Variants in MED27 observed in about 807,000 individuals in gnomAD.
The protein encoded by MED27 is mediator complex subunit 27.
A neutral mutation model predicts 38.2 loss-of-function variants in MED27; 30 were observed. The observed-to-expected ratio is 0.79, with a 90% CI of 0.59 to 1.07. MED27 has a LOEUF of 1.07. Ranked by LOEUF, MED27 falls within the 50% of genes least tolerant of loss-of-function variation. The probability of loss-of-function intolerance (pLI) is 0.00; values close to 1 mark genes in which losing one functional copy is unlikely to be tolerated. For missense variants in MED27, 289 were observed against 397.5 expected, an observed-to-expected ratio of 0.73 and a Z score of 2.32; for synonymous variants, 122 against 153.5, an observed-to-expected ratio of 0.79 and a Z score of 1.52.
At chr9:131,924,198 G>C (rs1052233938) in intron 4 of MED27, among the ~76,000 whole-genome samples, 1 of 152,168 alleles carries the variant, frequency 6.6e-6, no homozygotes, top group Non-Finnish European at 1.5e-5. Context: ...TCATTAGCAA[G>C]GTATGAGAGG....
chr9:131,907,420 G>A (rs954953565), intron 4 of MED27, among the ~76,000 whole-genome samples: 14 of 152,188 alleles, frequency 9.2e-5, no homozygotes, highest in South Asian at 2.1e-4. Context: ...GGGTTTCGCC[G>A]TGTTGGCCGG....
At chr9:131,878,311 A>AAAT (rs777310697) in intron 6 of MED27, among the ~76,000 whole-genome samples, 8 of 148,618 alleles carry the variant, frequency 5.4e-5, no homozygotes, top group Non-Finnish European at 1.0e-4. Context: ...ATAAATAAAT[A>AAAT]AAATAAAAAT....
chr9:131,969,974 G>GC (rs1324882036), intron 3 of MED27, among the ~76,000 whole-genome samples: 1 of 152,170 alleles, frequency 6.6e-6, no homozygotes, highest in Non-Finnish European at 1.5e-5. Flanking sequence ...GCTGGGGGGG[G>GC]GTGGGGGCAT....
chr9:131,876,352 G>C lies in MED27; in HGVS notation c.723+7706C>G, dbSNP rs1037562079. ...GCAGCGTGCCCTCAGAAAGTCAACAGGATGGCCCAGGCTTTCCTGGTTCAA... is the reference window on the plus strand; with the variant it reads ...GCAGCGTGCCCTCAGAAAGTCAACACGATGGCCCAGGCTTTCCTGGTTCAA... On this transcript the variant is annotated intron_variant, in intron 6 of 7. Coordinates refer to ENST00000292035, the MANE Select transcript of MED27 (RefSeq NM_004269.4). Among the ~76,000 whole-genome samples, 7 of 152,258 alleles carry C rather than the reference G, an allele frequency of 4.6e-5. No individual in the cohort carries two copies. In the East Asian group the frequency reaches 1.4e-3, roughly 29 times the overall value.
At chr9:132,073,861 T>C (rs1589305648) in intron 2 of MED27, 2 of 1,303,096 alleles carry the variant, frequency 1.5e-6, no homozygotes, top group Non-Finnish European at 2.0e-6. Context: ...CAGCTTCAGA[T>C]GTTGCCAGGG....
intron 2 of MED27, among the ~76,000 whole-genome samples, chr9:132,025,297 C>T (rs1451833621): frequency 1.3e-5 from 2 of 151,902 alleles, no homozygotes; most frequent in Admixed American, 1.3e-4. Context: ...ATTCTCCTGG[C>T]TCAGCCTCGC....
intron 3 of MED27, among the ~76,000 whole-genome samples, chr9:131,952,024 T>C (rs949933335): frequency 7.9e-5 from 12 of 152,194 alleles, no homozygotes; most frequent in African/African-American, 2.9e-4. Flanking sequence ...CTGGAGTAAA[T>C]GGATCTGGCT....
At chr9:132,001,082 A>C (rs1359024413) in intron 3 of MED27, among the ~76,000 whole-genome samples, 1 of 152,090 alleles carries the variant, frequency 6.6e-6, no homozygotes, top group Non-Finnish European at 1.5e-5. Context: ...CCTGGGCGAC[A>C]AAGCAACATC....
intron 2 of MED27, among the ~76,000 whole-genome samples, chr9:132,058,570 C>T (rs572492501): frequency 5.9e-5 from 9 of 152,324 alleles, no homozygotes; most frequent in African/African-American, 1.9e-4. Context: ...CCTTCCAGTG[C>T]AATTGTAAGT....
At position 131,917,471 on chromosome 9, in the gene MED27, G is replaced by C. The variant is rs11243566; in HGVS notation, c.573+21910C>G. ...CCAGTGTGGAAGATGAGGGGAGGCA[G>C]AGTGTTTCAAAGCAGGTAGACCAGG... On this transcript the variant is annotated intron_variant, in intron 4 of 7. Coordinates refer to ENST00000292035, the MANE Select transcript of MED27 (RefSeq NM_004269.4). The surrounding 1 kb of genome is among the most constrained non-coding windows in gnomAD (Gnocchi z 4.6). Among the ~76,000 whole-genome samples, 41,930 of 151,944 alleles carry C rather than the reference G, an allele frequency of 0.28. 5,993 individuals are homozygous for C. Among genetic ancestry groups the C allele is most frequent in the East Asian group, 0.39 (1,999 of 5,136 alleles).
intron 3 of MED27, among the ~76,000 whole-genome samples, chr9:131,986,869 G>A (rs1018586419): frequency 2.6e-5 from 4 of 152,250 alleles, no homozygotes; most frequent in African/African-American, 9.6e-5. Context: ...ACAGGGTTTG[G>A]CACGTAACAG....
rs576672434 is a variant in MED27, at chr9:132,031,467, A to T, written c.349-17000T>A. 3.9e-5 allele frequency among the ~76,000 whole-genome samples: 6 copies of T among 152,358 alleles called. No homozygotes were observed. In the East Asian group the frequency reaches 1.2e-3, roughly 29 times the overall value. On this transcript the variant is annotated intron_variant, in intron 2 of 7. Coordinates refer to ENST00000292035, the MANE Select transcript of MED27 (RefSeq NM_004269.4). ...TAACTTCTAAAACAGCAGTCTAAGC[A>T]GGTTATTTAGGAAAATGTGGGCAAG... is the stretch of plus-strand genomic sequence containing the variant.
Position 132,022,086 on chromosome 9 carries a change from C to T in MED27, c.349-7619G>A, listed in dbSNP as rs79558786. 1.6e-4 allele frequency among the ~76,000 whole-genome samples: 25 copies of T among 152,312 alleles called. No homozygotes were observed. The East Asian group carries it at 4.0e-3, about 25-fold the overall frequency. On this transcript the variant is annotated intron_variant, in intron 2 of 7. Transcript: ENST00000292035. ...ATAGGATCAATGCAAAATTTGACAA[C>T]ACAGTAATGAGAGCATCATGACAGA...
At chr9:132,025,880 A>T (rs1404791659) in intron 2 of MED27, among the ~76,000 whole-genome samples, 2 of 152,214 alleles carry the variant, frequency 1.3e-5, no homozygotes. Context: ...ACTTAAGCTA[A>T]GTCTTAGGAG....
chr9:132,062,618 T>A (rs1225834274), intron 2 of MED27, among the ~76,000 whole-genome samples: 1 of 19,124 alleles, frequency 5.2e-5, no homozygotes, highest in African/African-American at 1.3e-4. Flanking sequence ...ATCAATACAT[T>A]TTTTTTTTTT....
intron 4 of MED27, among the ~76,000 whole-genome samples, chr9:131,905,701 C>CAAA (rs58848280): frequency 3.0e-4 from 18 of 60,900 alleles, no homozygotes; most frequent in African/African-American, 8.9e-4. Flanking sequence ...AAGACCTTGT[C>CAAA]AAAAAAAAAA....
At chr9:131,974,443 G>A (rs1831559640) in intron 3 of MED27, among the ~76,000 whole-genome samples, 1 of 152,186 alleles carries the variant, frequency 6.6e-6, no homozygotes, top group African/African-American at 2.4e-5. Context: ...TTAGTAGACT[G>A]AACTTTTAAT....
At chr9:132,001,307 A>G (rs1832228552) in intron 3 of MED27, among the ~76,000 whole-genome samples, 2 of 152,158 alleles carry the variant, frequency 1.3e-5, no homozygotes, top group Admixed American at 1.3e-4. Flanking sequence ...TTTCAGAGGT[A>G]TATACATGTG....
intron 3 of MED27, among the ~76,000 whole-genome samples, chr9:132,007,145 T>C (rs1241405933): frequency 2.0e-5 from 3 of 152,228 alleles, no homozygotes; most frequent in Non-Finnish European, 4.4e-5. Context: ...TTATCCCTGT[T>C]ACCTCCTGAA....
Sources: gnomAD v4.1 joint callset for allele counts (sites outside exome capture counted in the v4.1 genomes callset) on GRCh38, gnomAD v4.1.1 for gene constraint, Gnocchi (gnomAD v3.1) non-coding constraint, MANE v1.5 for transcripts, NCBI Gene and HGNC (gene_info 2026-07-23, HGNC 2026-07-21) for gene names.